Variants in CTXND1 observed in about 807,000 individuals in gnomAD.
CTXND1 encodes the protein cortexin domain containing 1, also known as cortexin domain-containing 1 protein.
In CTXND1 at chr15:80,203,659, A is replaced by C. The variant is rs1893111831; in HGVS notation, c.-136T>G. The C allele has an allele frequency of 6.6e-6, 1 of 152,446 alleles. No individual in the cohort carries two copies. The highest frequency in any genetic ancestry group is 1.5e-5 in the Non-Finnish European group (1 of 68,252). The allele number at this position is 152,446 out of a possible 1,614,324, so 9.4% of individuals were successfully genotyped here. ...CAGGAGGCACGAGGAGCGGTCAGGC[A>C]TCATGGGGGTCACCCAAGGAGAACA... On this transcript the variant is annotated 5_prime_UTR_variant, in exon 2 of 3. The change abolishes an upstream ATG in the 5' untranslated region. Coordinates refer to ENST00000560778, the MANE Select transcript of CTXND1 (RefSeq NM_001352888.2).
At chr15:80,228,897 G>A (rs1340208999) in intron 1 of CTXND1, among the ~76,000 whole-genome samples, 1 of 151,384 alleles carries the variant, frequency 6.6e-6, no homozygotes, top group Non-Finnish European at 1.5e-5. Flanking sequence ...GAAAGTGCTG[G>A]GATTACAGGC....
At chr15:80,239,431 G>T (rs1345022685) in intron 1 of CTXND1, among the ~76,000 whole-genome samples, 1 of 152,220 alleles carries the variant, frequency 6.6e-6, no homozygotes, top group Non-Finnish European at 1.5e-5. Context: ...GCTGGGGAAG[G>T]CAGATCCACC....
At chr15:80,206,023 A>G (rs2114709) in intron 1 of CTXND1, among the ~76,000 whole-genome samples, 57,402 of 151,932 alleles carry the variant, frequency 0.38, 11,066 homozygotes, top group South Asian at 0.52. Context: ...ACACACAGAG[A>G]AGTTGAAAGA....
intron 1 of CTXND1, among the ~76,000 whole-genome samples, chr15:80,231,404 G>GGAA (rs578106764): frequency 1.9e-4 from 25 of 134,946 alleles, no homozygotes; most frequent in African/African-American, 6.8e-4. Context: ...AAAAAGAAAA[G>GGAA]AAAAAAAAAA....
chr15:80,213,678 A>G (rs1893223336), intron 1 of CTXND1, among the ~76,000 whole-genome samples: 1 of 152,236 alleles, frequency 6.6e-6, no homozygotes, highest in Non-Finnish European at 1.5e-5. Context: ...GGTTATCCAC[A>G]TAGGGGAAGA....
chr15:80,224,603 A>G (rs567536179), intron 1 of CTXND1, among the ~76,000 whole-genome samples: 21 of 152,234 alleles, frequency 1.4e-4, no homozygotes, highest in Non-Finnish European at 2.6e-4. Flanking sequence ...GCATGCTGGC[A>G]TTTTGATTGG....
At chr15:80,209,491 C>G (rs1287626549) in intron 1 of CTXND1, among the ~76,000 whole-genome samples, 5 of 152,196 alleles carry the variant, frequency 3.3e-5, no homozygotes, top group Non-Finnish European at 7.3e-5. Flanking sequence ...GGATTTGCTT[C>G]AGAGTCAGGG....
chr15:80,211,335 A>T (rs1002244106), intron 1 of CTXND1, among the ~76,000 whole-genome samples: 1 of 152,232 alleles, frequency 6.6e-6, no homozygotes, highest in African/African-American at 2.4e-5. Context: ...ACCATGTGCA[A>T]TCATCAGCTG....
intron 1 of CTXND1, among the ~76,000 whole-genome samples, chr15:80,228,925 G>T (rs1436483849): frequency 1.1e-5 from 1 of 93,432 alleles, no homozygotes; most frequent in East Asian, 4.3e-4. Context: ...ACGGTGCCGG[G>T]TTCAAAATCT....
intron 1 of CTXND1, among the ~76,000 whole-genome samples, chr15:80,244,420 T>C (rs1893606281): frequency 6.6e-6 from 1 of 152,248 alleles, no homozygotes; most frequent in Admixed American, 6.5e-5. Context: ...GGGTTGGTCA[T>C]GGGAGGCTGA....
At chr15:80,244,624 G>A (rs1286865044) in intron 1 of CTXND1, among the ~76,000 whole-genome samples, 3 of 152,194 alleles carry the variant, frequency 2.0e-5, no homozygotes, top group Non-Finnish European at 4.4e-5. Flanking sequence ...GGGTGGCTTT[G>A]TATAGTTCTG....
Position 80,230,051 on chromosome 15 carries a change from T to C in CTXND1, c.-218+21956A>G, listed in dbSNP as rs1031386244. ...AATTATTTGAACGACTTGGAACCAA[T>C]GTTCTCTAATTAATAAGCTTGGTGA... On this transcript the variant is annotated intron_variant, in intron 1 of 2. Coordinates refer to ENST00000560778, the MANE Select transcript of CTXND1 (RefSeq NM_001352888.2). 2.6e-5 allele frequency among the ~76,000 whole-genome samples: 4 copies of C among 152,334 alleles called. No individual in the cohort carries two copies. In the East Asian group the frequency reaches 5.8e-4, roughly 22 times the overall value.
At position 80,198,492 on chromosome 15, in the gene CTXND1, C is replaced by T. The variant is rs2041431719; in HGVS notation, c.*3278G>A. 1 of 152,254 alleles carries T rather than the reference C, an allele frequency of 6.6e-6. No individual in the cohort carries two copies. The highest frequency in any genetic ancestry group is 1.5e-5 in the Non-Finnish European group (1 of 68,062). 9.4% of individuals were successfully genotyped at this position (152,254 alleles called of 1,614,324 possible). The stretch of plus-strand genomic sequence containing the variant: ...GCAGATCAGTTTATCTTTCTATCCA[C>T]AACCCCAAAGTTCATCTTAGCTTGC... On this transcript the variant is annotated 3_prime_UTR_variant, in exon 3 of 3. Coordinates refer to ENST00000560778, the MANE Select transcript of CTXND1 (RefSeq NM_001352888.2).
intron 1 of CTXND1, among the ~76,000 whole-genome samples, chr15:80,235,026 T>C (rs979873053): frequency 2.0e-4 from 30 of 152,068 alleles, no homozygotes; most frequent in African/African-American, 7.2e-4. Context: ...TGGGTGACCT[T>C]GGGCAGGCTG....
chr15:80,245,077 G>A (rs1220744206), intron 1 of CTXND1, among the ~76,000 whole-genome samples: 1 of 152,170 alleles, frequency 6.6e-6, no homozygotes, highest in African/African-American at 2.4e-5. Flanking sequence ...GTCGGTGTGA[G>A]GATCAGAGGC....
At chr15:80,242,372 C>T (rs1893579014) in intron 1 of CTXND1, among the ~76,000 whole-genome samples, 1 of 152,250 alleles carries the variant, frequency 6.6e-6, no homozygotes, top group Non-Finnish European at 1.5e-5. Flanking sequence ...AACGTGGAAG[C>T]CTTTCAGGCA....
In CTXND1 at chr15:80,220,227, A is replaced by T. The variant is rs1437227; in HGVS notation, c.-217-16487T>A. On this transcript the variant is annotated intron_variant, in intron 1 of 2. Coordinates refer to ENST00000560778, the MANE Select transcript of CTXND1 (RefSeq NM_001352888.2). ...AACTTTGTTTTTCACATTTAGGTTT[A>T]TAATCCATCTGAGATAGTTTTTTTC... Among the ~76,000 whole-genome samples the T allele has an allele frequency of 8.1e-3, 1,230 of 152,108 alleles. 20 individuals are homozygous for T. The highest frequency in any genetic ancestry group is 0.028 in the African/African-American group (1,152 of 41,456).
rs188928661 is a variant in CTXND1 at position 80,240,867 on chromosome 15, C to T, written c.-218+11140G>A. Among the ~76,000 whole-genome samples, 27 of 152,292 alleles carry T rather than the reference C, an allele frequency of 1.8e-4. No homozygotes were observed. In the East Asian group the frequency reaches 4.4e-3, roughly 25 times the overall value. On this transcript the variant is annotated intron_variant, in intron 1 of 2. Transcript: ENST00000560778. ...AATCTCAGTCAAAGCATCCGGATAT[C>T]CTGGTACCTAGAGAATCCCCAGGAC...
chr15:80,203,740 A>T lies in CTXND1; in HGVS notation c.-217T>A, dbSNP rs1893112801. 1 of 152,084 alleles carries T rather than the reference A, an allele frequency of 6.6e-6. No individual in the cohort carries two copies. Among genetic ancestry groups the T allele is most frequent in the Non-Finnish European group, 1.5e-5 (1 of 68,060 alleles). 9.4% of individuals were successfully genotyped at this position (152,084 alleles called of 1,614,324 possible). On this transcript the variant is annotated splice_region_variant and 5_prime_UTR_variant, in exon 2 of 3. Transcript: ENST00000560778. ...TGGCTCGTGGGGGCGCTGGAGTGTGACTGTAAGAGAAAGAGACAAAGAAGA... is the reference window on the plus strand; with the variant it reads ...TGGCTCGTGGGGGCGCTGGAGTGTGTCTGTAAGAGAAAGAGACAAAGAAGA...
Sources: gnomAD v4.1 joint callset for allele counts (sites outside exome capture counted in the v4.1 genomes callset) on GRCh38, gnomAD v4.1.1 for gene constraint, MANE v1.5 for transcripts, NCBI Gene and HGNC (gene_info 2026-07-23, HGNC 2026-07-21) for gene names.